Variants in ARFGEF3 observed in about 807,000 individuals in gnomAD.
The protein encoded by ARFGEF3 is ARFGEF family member 3, also known as brefeldin A-inhibited guanine nucleotide-exchange protein 3.
In ARFGEF3, 96 loss-of-function variants were observed where a neutral mutation model predicts 221.7. The observed-to-expected ratio is 0.43, with a 90% confidence interval of 0.37 to 0.51. ARFGEF3 has a LOEUF of 0.51. Among genes scored for constraint, ARFGEF3 ranks in the 20% least tolerant of loss-of-function variants. ARFGEF3 has a pLI of 0.00. For synonymous variants in ARFGEF3, 1,145 were observed against 1,126.8 expected, an observed-to-expected ratio of 1.02 and a Z score of -0.32; for missense variants, 2,410 against 2,789.9, an observed-to-expected ratio of 0.86 and a Z score of 3.07.
intron 2 of ARFGEF3, among the ~76,000 whole-genome samples, chr6:138,201,027 T>G (rs1331338587): frequency 6.6e-6 from 1 of 152,056 alleles, no homozygotes; most frequent in African/African-American, 2.4e-5. Flanking sequence ...GAATAGACAG[T>G]TCTCAAAAGA....
intron 8 of ARFGEF3, among the ~76,000 whole-genome samples, chr6:138,247,696 C>T (rs1424525996): frequency 1.3e-5 from 2 of 152,156 alleles, no homozygotes; most frequent in African/African-American, 4.8e-5. Flanking sequence ...TCTGAACCAC[C>T]CTAAGTCTGT....
At chr6:138,231,997 A>G (rs34327374) in intron 5 of ARFGEF3, among the ~76,000 whole-genome samples, 4 of 152,270 alleles carry the variant, frequency 2.6e-5, no homozygotes, top group Non-Finnish European at 4.4e-5. Context: ...AAAAATGGAC[A>G]ATTATGAAAT....
At chr6:138,296,993 A>C in intron 21 of ARFGEF3, 38 bp downstream of exon 21, 1 of 1,584,890 alleles carries the variant, frequency 6.3e-7, no homozygotes, top group East Asian at 2.2e-5. Context: ...TGGAACTGCT[A>C]AGTCAGTGAC....
intron 10 of ARFGEF3, among the ~76,000 whole-genome samples, chr6:138,257,757 CCT>C (rs1166540329): frequency 6.6e-6 from 1 of 152,270 alleles, no homozygotes; most frequent in African/African-American, 2.4e-5. Context: ...GGGTTCAAAT[CCT>C]CTCTCTACCA....
chr6:138,225,138 G>A (rs552558495), intron 4 of ARFGEF3, among the ~76,000 whole-genome samples: 67 of 152,222 alleles, frequency 4.4e-4, no homozygotes, highest in East Asian at 2.5e-3. Flanking sequence ...ATCTGTCTTC[G>A]ACATCATCTA....
intron 12 of ARFGEF3, among the ~76,000 whole-genome samples, chr6:138,272,087 C>A (rs1199952955): frequency 6.6e-6 from 1 of 152,108 alleles, no homozygotes; most frequent in Non-Finnish European, 1.5e-5. Context: ...CTCCTGGGAA[C>A]CTACGCTAAA....
At position 138,313,939 on chromosome 6, in the gene ARFGEF3, G is replaced by A. The variant is rs539374966; in HGVS notation, c.4345G>A (p.Gly1449Ser). 1.3e-5 allele frequency: 21 copies of A among 1,613,322 alleles called. No homozygotes were observed. The Admixed American group carries it at 2.0e-4, about 15-fold the overall frequency. ...SVLSDFDDDT[G>S]LIEVWIILLE... ...CCTGTCTGATTTTGATGATGACACC[G>A]GTAAGCTAATTGATTGGACTAAACT... The change falls in exon 26 of 34, where the codon GGT (glycine) becomes AGT (serine). Residue 1449 changes from glycine (G) to serine (S), a missense_variant and splice_region_variant. Gly to Ser is a moderately conservative substitution (Grantham distance 56, BLOSUM62 0). Coordinates refer to ENST00000251691, the MANE Select transcript of ARFGEF3 (RefSeq NM_020340.5).
chr6:138,285,980 C>T lies in ARFGEF3; in HGVS notation c.2496C>T (p.Gly832=), dbSNP rs1421893016. 6.2e-7 allele frequency: 1 copy of T among 1,611,512 alleles called. No homozygotes were observed. The highest frequency in any genetic ancestry group is 2.2e-5 in the East Asian group (1 of 44,880). The stretch of plus-strand genomic sequence containing the variant: ...GCTTAGAGAGCAGTGCCATTGGTGG[C>T]CAGCTGATGGCCTCGGCTGCTACAG... The part of the protein sequence containing the change: ...IDGLESSAIG[G]QLMASAATES... Residue 832 remains glycine (G), a synonymous_variant, in exon 15 of 34, where the codon GGC becomes GGT. Transcript: ENST00000251691.
At chr6:138,241,017 A>ATG (rs1778386253) in intron 6 of ARFGEF3, among the ~76,000 whole-genome samples, 1 of 152,182 alleles carries the variant, frequency 6.6e-6, no homozygotes, top group Non-Finnish European at 1.5e-5. Flanking sequence ...AGGCTGAGTC[A>ATG]TGTAACACCC....
chr6:138,177,239 T>C (rs954906247), intron 2 of ARFGEF3, among the ~76,000 whole-genome samples: 17 of 151,714 alleles, frequency 1.1e-4, no homozygotes, highest in Admixed American at 4.6e-4. Context: ...CAGGCATATG[T>C]CACCACACCC....
In ARFGEF3 at chr6:138,207,033, G is replaced by A; in HGVS notation, c.138-9G>A. ...GCTCACATGTTGTCCTTATTTTTGT[G>A]TTTGCCAGGGAGAAATGCCTGCTGC... is the stretch of plus-strand genomic sequence containing the variant. On this transcript the variant is annotated splice_polypyrimidine_tract_variant and intron_variant, in intron 2 of 33. Transcript: ENST00000251691. 6.2e-7 allele frequency: 1 copy of A among 1,602,728 alleles called. No individual in the cohort carries two copies. Among genetic ancestry groups the A allele is most frequent in the Middle Eastern group, 1.7e-4 (1 of 6,054 alleles).
At chr6:138,309,863 G>A (rs1356254586) in intron 24 of ARFGEF3, among the ~76,000 whole-genome samples, 1 of 152,134 alleles carries the variant, frequency 6.6e-6, no homozygotes, top group African/African-American at 2.4e-5. Context: ...CTGATTAGAT[G>A]GTGTCTGCCT....
chr6:138,316,333 T>C (rs1309989226), intron 26 of ARFGEF3, among the ~76,000 whole-genome samples: 1 of 152,246 alleles, frequency 6.6e-6, no homozygotes, highest in Non-Finnish European at 1.5e-5. Flanking sequence ...CATTATCAGA[T>C]ATTATTCCGC....
chr6:138,209,801 T>C (rs976997893), intron 3 of ARFGEF3, 109 bp from the exon 4 acceptor site: 3 of 1,381,534 alleles, frequency 2.2e-6, no homozygotes, highest in Non-Finnish European at 3.0e-6. Context: ...GGCCTCCAGC[T>C]ACACGCCTCC....
rs117591106 is a variant in ARFGEF3, at chr6:138,234,357, T to G, written c.421-4152T>G. Among the ~76,000 whole-genome samples the G allele has an allele frequency of 2.6e-4, 39 of 152,270 alleles. No homozygotes were observed. The East Asian group carries it at 7.5e-3, about 29-fold the overall frequency. On this transcript the variant is annotated intron_variant, in intron 5 of 33. Coordinates refer to ENST00000251691, the MANE Select transcript of ARFGEF3 (RefSeq NM_020340.5). ...ATTTCTCCGGGTATGCCTGGCACTT[T>G]TAGAATTTATTTTTGAGTTGACATC... is the stretch of plus-strand genomic sequence containing the variant.
At position 138,255,553 on chromosome 6, in the gene ARFGEF3, G is replaced by T. The variant is rs745993785; in HGVS notation, c.888G>T (p.Pro296=). 1 of 1,613,980 alleles carries T rather than the reference G, an allele frequency of 6.2e-7. No individual in the cohort carries two copies. The highest frequency in any genetic ancestry group is 8.5e-7 in the Non-Finnish European group (1 of 1,179,894). Residue 296 remains proline (P), a synonymous_variant, in exon 10 of 34, where the codon CCG becomes CCT. Coordinates refer to ENST00000251691, the MANE Select transcript of ARFGEF3 (RefSeq NM_020340.5). The stretch of plus-strand genomic sequence containing the variant: ...GCCTGGAGTCGGACTCTGCGTCTCC[G>T]GGAGTGTCTGACCACGGCCGAGGAT... ...STSLESDSAS[P]GVSDHGRGSG...
intron 4 of ARFGEF3, among the ~76,000 whole-genome samples, chr6:138,219,693 T>G (rs1777941837): frequency 6.6e-6 from 1 of 152,150 alleles, no homozygotes; most frequent in Non-Finnish European, 1.5e-5. Flanking sequence ...AGCCAGAGTT[T>G]CTGGTTGAGT....
At position 138,302,322 on chromosome 6, in the gene ARFGEF3, C is replaced by T. The variant is rs541704336; in HGVS notation, c.3828+3537C>T. Among the ~76,000 whole-genome samples the T allele has an allele frequency of 1.6e-4, 24 of 152,138 alleles. No individual in the cohort carries two copies. In the East Asian group the frequency reaches 2.3e-3, roughly 15 times the overall value. Reference sequence around the variant, plus strand: ...TAACTGAAATGAAAAATTAGCTATACGGGCTTACCAGAAAGAGATGGCAGA... The same window carrying T: ...TAACTGAAATGAAAAATTAGCTATATGGGCTTACCAGAAAGAGATGGCAGA... On this transcript the variant is annotated intron_variant, in intron 22 of 33. Transcript: ENST00000251691.
intron 2 of ARFGEF3, among the ~76,000 whole-genome samples, chr6:138,173,016 G>A (rs191292221): frequency 1.5e-4 from 23 of 152,202 alleles, no homozygotes; most frequent in African/African-American, 4.1e-4. Context: ...AGTATAGTAG[G>A]GAGGTTAATA....
Sources: gnomAD v4.1 joint callset for allele counts (sites outside exome capture counted in the v4.1 genomes callset) on GRCh38, gnomAD v4.1.1 for gene constraint, MANE v1.5 for transcripts, NCBI Gene and HGNC (gene_info 2026-07-23, HGNC 2026-07-21) for gene names.